The following NRG2 variants were observed in gnomAD, a reference collection of about 807,000 sequenced individuals.
NRG2 encodes the protein pro-neuregulin-2, membrane-bound isoform.
A neutral mutation model predicts 73.9 loss-of-function variants in NRG2; 27 were observed. The observed-to-expected ratio is 0.37, with a 90% CI of 0.27 to 0.50. The LOEUF is 0.50. NRG2 is among the 20% of genes least tolerant of loss of function. NRG2 has a pLI of 0.96. For missense variants in NRG2, 1,126 were observed against 1,210.1 expected (o/e 0.93, Z 1.03); for synonymous variants, 532 against 541.0 (o/e 0.98, Z 0.23).
chr5:139,892,350 T>C (rs1049731332), intron 1 of NRG2, among the ~76,000 whole-genome samples: 1 of 152,186 alleles, frequency 6.6e-6, no homozygotes, highest in Admixed American at 6.5e-5. Flanking sequence ...AGTTGGGGGA[T>C]GACCTGATCT....
At chr5:139,864,078 C>T (rs1762319161) in intron 5 of NRG2, among the ~76,000 whole-genome samples, 1 of 152,180 alleles carries the variant, frequency 6.6e-6, no homozygotes, top group South Asian at 2.1e-4. Flanking sequence ...CATGTGGACA[C>T]TTGGTTCCAC....
chr5:139,913,646 C>T (rs1350230875), intron 1 of NRG2, among the ~76,000 whole-genome samples: 1 of 152,240 alleles, frequency 6.6e-6, no homozygotes, highest in South Asian at 2.1e-4. Flanking sequence ...CAGTGCCAGA[C>T]AATGCTTGCT....
Position 139,887,499 on chromosome 5 carries a change from T to C in NRG2, c.713A>G (p.Lys238Arg), listed in dbSNP as rs761093994. 1.9e-6 allele frequency: 3 copies of C among 1,613,928 alleles called. No homozygotes were observed. The African/African-American group carries it at 4.0e-5, about 22-fold the overall frequency. The change falls in exon 2 of 10, where the codon AAG (lysine) becomes AGG (arginine). Residue 238 changes from lysine (K) to arginine (R), a missense_variant. Physicochemically the swap from Lys to Arg is conservative, Grantham distance 26 (BLOSUM62 2). Around this residue, in one of 3 missense-constraint regions of NRG2, gnomAD observed 539 missense variants for 703.2 expected, o/e 0.77. Transcript: ENST00000361474. The surrounding 1 kb of genome is among the most constrained non-coding windows in gnomAD (Gnocchi z 4.5). ...CGTCTGGCTCTTCATCTTCTTCAACTTGGGCCGGGTGGCTGTGGGTTACAA... is the reference window on the plus strand; with the variant it reads ...CGTCTGGCTCTTCATCTTCTTCAACCTGGGCCGGGTGGCTGTGGGTTACAA... ...ILCTDCATRP[K>R]LKKMKSQTGQ... is the part of the protein sequence containing the mutation.
chr5:139,909,852 A>G (rs904374565), intron 1 of NRG2, among the ~76,000 whole-genome samples: 6 of 152,364 alleles, frequency 3.9e-5, no homozygotes, highest in Admixed American at 2.6e-4. Context: ...CCAGTTGCCT[A>G]GGCCTGGAGA....
In NRG2 at chr5:139,904,412, C is replaced by G; in HGVS notation, c.701-16901G>C. On this transcript the variant is annotated intron_variant, in intron 1 of 9. Transcript: ENST00000361474. This position sits in a 1 kb window ranked among gnomAD's most constrained non-coding sequence, Gnocchi z 6.0. The stretch of plus-strand genomic sequence containing the variant: ...GACTCCGACATTCTGCACGGGGTCC[C>G]AGGCGGTGGGACGGCCTCAGCTCTC... 1 of 1,481,610 alleles carries G rather than the reference C, an allele frequency of 6.7e-7. No individual in the cohort carries two copies. The highest frequency in any genetic ancestry group is 9.2e-7 in the Non-Finnish European group (1 of 1,084,072). 91.8% of individuals were successfully genotyped at this position (1,481,610 alleles called of 1,614,324 possible).
Position 139,847,942 on chromosome 5 carries a change from G to C in NRG2, c.2528C>G (p.Ala843Gly). The C allele has an allele frequency of 6.7e-6, 10 of 1,501,352 alleles. No individual in the cohort carries two copies. Among genetic ancestry groups the C allele is most frequent in the Non-Finnish European group, 8.8e-6 (10 of 1,130,612 alleles). The allele number at this position is 1,501,352 out of a possible 1,614,324, so 93.0% of individuals were successfully genotyped here. Residue 843 changes from alanine (A) to glycine (G), a missense_variant, in exon 10 of 10, where the codon GCC (alanine) becomes GGC (glycine). Ala to Gly is a moderately conservative substitution (Grantham distance 60, BLOSUM62 0). This residue lies in a region of NRG2 where 402 missense variants were observed against 357.8 expected (regional missense o/e 1.12). Coordinates refer to ENST00000361474, the MANE Select transcript of NRG2 (RefSeq NM_004883.3). ...SRHSRGPPPR[A>G]KQDSAPL ...CTAGAGTGGCGCCGAGTCCTGCTTG[G>C]CCCGCGGGGGCGGCCCGCGGCTGTG...
intron 1 of NRG2, among the ~76,000 whole-genome samples, chr5:139,924,418 T>C (rs1254277599): frequency 6.6e-6 from 1 of 152,260 alleles, no homozygotes; most frequent in East Asian, 1.9e-4. Context: ...GCCTTCCTTG[T>C]TGGGTTCTAC....
At chr5:140,010,368 A>C (rs1580937613) in intron 1 of NRG2, among the ~76,000 whole-genome samples, 2 of 152,218 alleles carry the variant, frequency 1.3e-5, no homozygotes, top group Non-Finnish European at 2.9e-5. Flanking sequence ...CCAAACCCAT[A>C]GAATGTACAA....
At chr5:140,005,361 T>C (rs1407822006) in intron 1 of NRG2, among the ~76,000 whole-genome samples, 1 of 152,210 alleles carries the variant, frequency 6.6e-6, no homozygotes, top group Non-Finnish European at 1.5e-5. Flanking sequence ...TGCTTCCCCA[T>C]ACTCTCACGC....
chr5:139,917,796 T>C (rs185010662), intron 1 of NRG2, among the ~76,000 whole-genome samples: 104 of 152,332 alleles, frequency 6.8e-4, no homozygotes, highest in African/African-American at 2.5e-3. Flanking sequence ...ACAACTCTCT[T>C]ATCTGATAAA....
intron 1 of NRG2, among the ~76,000 whole-genome samples, chr5:139,943,924 T>C (rs1753597946): frequency 6.6e-6 from 1 of 152,238 alleles, no homozygotes. Flanking sequence ...ACAAATGGCA[T>C]GGCTATGCAT....
intron 5 of NRG2, among the ~76,000 whole-genome samples, chr5:139,859,699 G>T (rs899381851): frequency 7.2e-5 from 11 of 152,180 alleles, no homozygotes; most frequent in African/African-American, 2.7e-4. Flanking sequence ...TTCTGTTCAT[G>T]AGCTTCTTTC....
At chr5:139,889,003 C>T (rs1269120372) in intron 1 of NRG2, among the ~76,000 whole-genome samples, 1 of 152,156 alleles carries the variant, frequency 6.6e-6, no homozygotes, top group Non-Finnish European at 1.5e-5. Context: ...CAGTGTAACC[C>T]TTTCGCCTGG....
chr5:140,032,554 G>A (rs944097805), intron 1 of NRG2, among the ~76,000 whole-genome samples: 1 of 152,126 alleles, frequency 6.6e-6, no homozygotes, highest in Non-Finnish European at 1.5e-5. Flanking sequence ...GAAAAAAGTG[G>A]GCAGTAGAGA....
rs906338861 is a variant in NRG2, at chr5:139,903,058, C to T, written c.701-15547G>A. Among the ~76,000 whole-genome samples, 18 of 152,306 alleles carry T rather than the reference C, an allele frequency of 1.2e-4. No individual in the cohort carries two copies. The Middle Eastern group carries it at 0.01, about 86-fold the overall frequency. On this transcript the variant is annotated intron_variant, in intron 1 of 9. Transcript: ENST00000361474. ...AATAGAGACCTCAGAGCCTTGCTACCCCTTCCCTATCATTACACAGAAATT... is the reference window on the plus strand; with the variant it reads ...AATAGAGACCTCAGAGCCTTGCTACTCCTTCCCTATCATTACACAGAAATT...
At chr5:140,006,962 A>T (rs1758953604) in intron 1 of NRG2, among the ~76,000 whole-genome samples, 1 of 152,182 alleles carries the variant, frequency 6.6e-6, no homozygotes. Context: ...AGTTCATCAC[A>T]CAAGCTGCCT....
chr5:139,936,602 A>G (rs1037617130), intron 1 of NRG2, among the ~76,000 whole-genome samples: 2 of 152,186 alleles, frequency 1.3e-5, no homozygotes, highest in African/African-American at 2.4e-5. Context: ...ACCAAATTCT[A>G]TGCAAACTAC....
At chr5:139,910,267 T>G (rs1053573721) in intron 1 of NRG2, among the ~76,000 whole-genome samples, 1 of 152,198 alleles carries the variant, frequency 6.6e-6, no homozygotes, top group South Asian at 2.1e-4. Context: ...CAGAAAAGCT[T>G]TTGATTGCCA....
intron 1 of NRG2, among the ~76,000 whole-genome samples, chr5:139,967,900 A>G (rs1285743152): frequency 1.1e-4 from 17 of 152,074 alleles, no homozygotes; most frequent in Admixed American, 1.1e-3. Flanking sequence ...CAGAGGTTGC[A>G]GTGAGCTGAG....
Sources: gnomAD v4.1 joint callset for allele counts (sites outside exome capture counted in the v4.1 genomes callset) on GRCh38, gnomAD v4.1.1 for gene constraint, gnomAD v4.1.1 regional missense constraint, Gnocchi (gnomAD v3.1) non-coding constraint, MANE v1.5 for transcripts, NCBI Gene and HGNC (gene_info 2026-07-23, HGNC 2026-07-21) for gene names.